Variants in CNOT6 observed in about 807,000 individuals in gnomAD.
CNOT6 encodes the protein CCR4-NOT transcription complex subunit 6.
In CNOT6, 12 loss-of-function variants were observed where a neutral mutation model predicts 61.2. That is an observed-to-expected ratio of 0.20 (90% CI 0.13 to 0.32). The LOEUF (loss-of-function observed/expected upper bound fraction) is 0.32, where lower values mean the gene tolerates loss of function less well. CNOT6 is among the 10% of genes least tolerant of loss of function. The pLI, the probability that CNOT6 is intolerant of heterozygous loss-of-function variation, is 1.00. For missense variants in CNOT6, 405 were observed against 663.9 expected (o/e 0.61, Z 4.28); for synonymous variants, 225 against 240.6 (o/e 0.94, Z 0.60).
At chr5:180,560,278 A>G (rs902132312) in intron 4 of CNOT6, among the ~76,000 whole-genome samples, 2 of 151,988 alleles carry the variant, frequency 1.3e-5, no homozygotes, top group African/African-American at 2.4e-5. Context: ...TGATTTAGAA[A>G]ACTTAAGGAA....
chr5:180,496,285 C>G (rs1311449502), intron 1 of CNOT6, among the ~76,000 whole-genome samples: 1 of 152,124 alleles, frequency 6.6e-6, no homozygotes. Flanking sequence ...GTGATCTACT[C>G]CAGGTGTTTT....
At chr5:180,536,835 G>A (rs1417560469) in intron 2 of CNOT6, among the ~76,000 whole-genome samples, 1 of 152,112 alleles carries the variant, frequency 6.6e-6, no homozygotes, top group South Asian at 2.1e-4. Flanking sequence ...TTCCCAGCTT[G>A]GTCTCTAACT....
chr5:180,552,083 A>G (rs191087482), intron 3 of CNOT6, among the ~76,000 whole-genome samples: 309 of 151,626 alleles, frequency 2.0e-3, no homozygotes, highest in African/African-American at 6.3e-3. Flanking sequence ...TGGCCAGGCT[A>G]GTCTCAAACT....
intron 4 of CNOT6, among the ~76,000 whole-genome samples, chr5:180,559,076 GAAAA>G (rs1195342268): frequency 6.6e-6 from 1 of 152,192 alleles, no homozygotes; most frequent in Non-Finnish European, 1.5e-5. Flanking sequence ...TTGGGTACTG[GAAAA>G]GAATGTGTTT....
chr5:180,566,599 G>A (rs1760469560), intron 7 of CNOT6, among the ~76,000 whole-genome samples: 2 of 143,638 alleles, frequency 1.4e-5, no homozygotes, highest in South Asian at 4.3e-4. Flanking sequence ...ACAAGTCGCT[G>A]TTCCAGTTGG....
intron 2 of CNOT6, 41 bp from the exon 3 acceptor site, chr5:180,549,890 G>C (rs1217151237): frequency 2.1e-6 from 3 of 1,428,708 alleles, no homozygotes; most frequent in African/African-American, 1.4e-5. Flanking sequence ...AAAATGTAGA[G>C]AAAACTATAT....
At chr5:180,548,092 G>A (rs1037912800) in intron 2 of CNOT6, among the ~76,000 whole-genome samples, 2 of 152,106 alleles carry the variant, frequency 1.3e-5, no homozygotes, top group Admixed American at 6.6e-5. Flanking sequence ...GACATTTTCT[G>A]CTGTTTTTTC....
Position 180,497,809 on chromosome 5 carries a change from C to T in CNOT6, c.-3+3046C>T, listed in dbSNP as rs560234602. On this transcript the variant is annotated intron_variant, in intron 1 of 11. Transcript: ENST00000261951. ...CTTTAATCCCAGCACTTTGGGAGGC[C>T]GAGGCGGGCGGATCACTTGAGGTTA... Among the ~76,000 whole-genome samples the T allele has an allele frequency of 3.6e-4, 54 of 152,096 alleles. 1 individual carries two copies. Among genetic ancestry groups the T allele is most frequent in the African/African-American group, 1.2e-3 (48 of 41,486 alleles).
chr5:180,517,965 G>A (rs6897528), intron 1 of CNOT6, among the ~76,000 whole-genome samples: 25,750 of 152,024 alleles, frequency 0.17, 2,279 homozygotes, highest in Non-Finnish European at 0.19. Context: ...GCTTCAGATA[G>A]TGACTGACTT....
At chr5:180,498,275 G>C (rs533741884) in intron 1 of CNOT6, among the ~76,000 whole-genome samples, 1 of 152,120 alleles carries the variant, frequency 6.6e-6, no homozygotes, top group African/African-American at 2.4e-5. Context: ...TCAGTTACAC[G>C]TTAAGGTATG....
chr5:180,535,178 G>A (rs1162094217), intron 2 of CNOT6, among the ~76,000 whole-genome samples: 1 of 152,272 alleles, frequency 6.6e-6, no homozygotes, highest in African/African-American at 2.4e-5. Context: ...TAGGAAGGGG[G>A]CGTCTGGGGC....
chr5:180,570,525 CT>C (rs766005427), intron 10 of CNOT6, among the ~76,000 whole-genome samples: 1 of 152,168 alleles, frequency 6.6e-6, no homozygotes, highest in Non-Finnish European at 1.5e-5. Context: ...TCTCTACATG[CT>C]TTCTACTTTC....
intron 1 of CNOT6, among the ~76,000 whole-genome samples, chr5:180,520,905 C>T (rs1456662997): frequency 6.6e-6 from 1 of 150,556 alleles, no homozygotes. Context: ...AGTGCAGTGG[C>T]GCAACCTCAG....
chr5:180,496,863 C>T (rs1756635223), intron 1 of CNOT6, among the ~76,000 whole-genome samples: 1 of 152,090 alleles, frequency 6.6e-6, no homozygotes, highest in South Asian at 2.1e-4. Flanking sequence ...AATGCCTGTT[C>T]AATTTGTAGG....
At chr5:180,494,918 T>C (rs891590489) in intron 1 of CNOT6, among the ~76,000 whole-genome samples, 155 bp downstream of exon 1, 1 of 151,452 alleles carries the variant, frequency 6.6e-6, no homozygotes, top group Admixed American at 6.6e-5. Context: ...TGGGGGCCCC[T>C]TCGACGCGCC....
At chr5:180,524,038 A>G (rs1344572368) in intron 1 of CNOT6, among the ~76,000 whole-genome samples, 1 of 152,258 alleles carries the variant, frequency 6.6e-6, no homozygotes, top group Non-Finnish European at 1.5e-5. Flanking sequence ...AAGTGCTCTG[A>G]GAACCGAAAC....
At chr5:180,565,307 T>G (rs1760397209) in intron 6 of CNOT6, among the ~76,000 whole-genome samples, 2 of 152,264 alleles carry the variant, frequency 1.3e-5, no homozygotes, top group South Asian at 4.1e-4. Context: ...AACTAATGAC[T>G]GCTCATCTCC....
At position 180,569,279 on chromosome 5, in the gene CNOT6, G is replaced by A. The variant is rs1166643034; in HGVS notation, c.1197G>A (p.Leu399=). The A allele has an allele frequency of 6.2e-7, 1 of 1,614,154 alleles. No individual in the cohort carries two copies. Among genetic ancestry groups the A allele is most frequent in the East Asian group, 2.2e-5 (1 of 44,878 alleles). Residue 399 remains leucine, a synonymous_variant, in exon 10 of 12, where the codon TTG becomes TTA. Coordinates refer to ENST00000261951, the MANE Select transcript of CNOT6 (RefSeq NM_001370472.1). The stretch of plus-strand genomic sequence containing the variant: ...CTCGCAACCTCAAATCCAGTGTTTT[G>A]GGAGAATTTGGAACTATTCCACTTG... ...KASRNLKSSV[L]GEFGTIPLVL...
chr5:180,499,237 CAATG>C (rs1276550402), intron 1 of CNOT6, among the ~76,000 whole-genome samples: 5 of 152,138 alleles, frequency 3.3e-5, no homozygotes, highest in Admixed American at 3.3e-4. Flanking sequence ...GCAGTCAAAA[CAATG>C]AAAGTTATAA....
Sources: gnomAD v4.1 joint callset for allele counts (sites outside exome capture counted in the v4.1 genomes callset) on GRCh38, gnomAD v4.1.1 for gene constraint, MANE v1.5 for transcripts, NCBI Gene and HGNC (gene_info 2026-07-23, HGNC 2026-07-21) for gene names.